The following KASH5 variants were observed in gnomAD, a reference collection of about 807,000 sequenced individuals.
KASH5 encodes protein KASH5.
KASH5 carries 72 observed loss-of-function variants against 84.2 expected under a neutral mutation model. That is an observed-to-expected ratio of 0.85 (90% CI 0.71 to 1.04). The LOEUF is 1.04. KASH5 is among the 50% of genes least tolerant of loss of function. The probability of loss-of-function intolerance (pLI) is 0.00; values close to 1 mark genes in which losing one functional copy is unlikely to be tolerated. For synonymous variants in KASH5, 260 were observed against 279.1 expected (o/e 0.93, Z 0.68); for missense variants, 650 against 701.0 (o/e 0.93, Z 0.82).
chr19:49,389,054 C>G (rs1173434458), intron 1 of KASH5, among the ~76,000 whole-genome samples: 1 of 150,896 alleles, frequency 6.6e-6, no homozygotes, highest in Non-Finnish European at 1.5e-5. Context: ...GCCAGAGACC[C>G]CCAGAAATCC....
chr19:49,409,602 C>T (rs1457172355), intron 14 of KASH5, 151 bp from the exon 15 acceptor site: 2 of 965,860 alleles, frequency 2.1e-6, no homozygotes, highest in Admixed American at 4.6e-5. Flanking sequence ...CCTGTTCCTG[C>T]TTCTGCCCAC....
chr19:49,405,887 C>T (rs979719872), intron 9 of KASH5, among the ~76,000 whole-genome samples: 1 of 145,600 alleles, frequency 6.9e-6, no homozygotes, highest in Non-Finnish European at 1.5e-5. Flanking sequence ...ACCCGGGAGG[C>T]AGAGGTTGCA....
At position 49,412,086 on chromosome 19, in the gene KASH5, G is replaced by A. The variant is rs778328454; in HGVS notation, c.1270-882G>A. ...CTAGGGGTGACTAGTGAGAGATGAGGCCAGGGCCAGATCATGAAAGGAAAT... is the reference window on the plus strand; with the variant it reads ...CTAGGGGTGACTAGTGAGAGATGAGACCAGGGCCAGATCATGAAAGGAAAT... On this transcript the variant is annotated intron_variant, in intron 15 of 19. Transcript: ENST00000447857. The surrounding 1 kb of genome is among the most constrained non-coding windows in gnomAD (Gnocchi z 4.6). Among the ~76,000 whole-genome samples the A allele has an allele frequency of 5.9e-5, 9 of 152,154 alleles. No individual in the cohort carries two copies. Among genetic ancestry groups the A allele is most frequent in the Non-Finnish European group, 7.3e-5 (5 of 68,034 alleles).
chr19:49,392,469 G>A (rs1030679190), intron 2 of KASH5, among the ~76,000 whole-genome samples: 1 of 152,176 alleles, frequency 6.6e-6, no homozygotes, highest in African/African-American at 2.4e-5. Context: ...GGAATCCTGG[G>A]ATGCGACTTC....
intron 5 of KASH5, 56 bp from the exon 6 acceptor site, chr19:49,397,595 A>G: frequency 6.5e-7 from 1 of 1,527,674 alleles, no homozygotes. Flanking sequence ...GCCCTGGGGC[A>G]CTTTACGTTT....
In KASH5 at chr19:49,416,880, C is replaced by T. The variant is rs1974921688; in HGVS notation, c.1375-135C>T. ...AAGCTGGCAGAAATGGGAACCCGACCTGGCAGCAGAAGTGCACTCACTTAT... is the reference window on the plus strand; with the variant it reads ...AAGCTGGCAGAAATGGGAACCCGACTTGGCAGCAGAAGTGCACTCACTTAT... On this transcript the variant is annotated intron_variant, in intron 17 of 19. Coordinates refer to ENST00000447857, the MANE Select transcript of KASH5 (RefSeq NM_144688.5). The surrounding 1 kb of genome is among the most constrained non-coding windows in gnomAD (Gnocchi z 5.4). The T allele has an allele frequency of 2.4e-6, 2 of 847,268 alleles. No homozygotes were observed. The highest frequency in any genetic ancestry group is 4.3e-5 in the Admixed American group (2 of 46,322). 52.5% of individuals were successfully genotyped at this position (847,268 alleles called of 1,614,324 possible). A position where few individuals can be genotyped will look rare whatever the true frequency, so the allele number is the denominator to read the frequency against.
In KASH5 at chr19:49,413,002, A is replaced by G. The variant is rs995947146; in HGVS notation, c.1304A>G (p.Glu435Gly). 6.2e-7 allele frequency: 1 copy of G among 1,613,070 alleles called. No individual in the cohort carries two copies. Residue 435 changes from glutamate (E) to glycine (G), a missense_variant, in exon 16 of 20, where the codon GAA becomes GGA. Glu to Gly is a moderately conservative substitution (Grantham distance 98). Transcript: ENST00000447857. ...NFQGEPAHPE[E>G]GRKEPSMWLT... ...CAGGGAGAGCCAGCGCACCCTGAAG[A>G]AGGAAGGAAGGAGCCATCCATGTGG...
Position 49,417,553 on chromosome 19 carries a change from TC to T in KASH5, c.*47del. On this transcript the variant is annotated 3_prime_UTR_variant, in exon 20 of 20. Coordinates refer to ENST00000447857, the MANE Select transcript of KASH5 (RefSeq NM_144688.5). The surrounding 1 kb of genome is among the most constrained non-coding windows in gnomAD (Gnocchi z 5.2). ...TCAGAGCAGTGTCTAGCTCAATAAATCCCCTGGCCCTCTCTCCACTGGGATC... is the reference window on the plus strand; with the variant it reads ...TCAGAGCAGTGTCTAGCTCAATAAATCCCTGGCCCTCTCTCCACTGGGATC... The T allele has an allele frequency of 6.8e-7, 1 of 1,474,110 alleles. No homozygotes were observed. The allele number at this position is 1,474,110 out of a possible 1,614,324, so 91.3% of individuals were successfully genotyped here.
At chr19:49,397,829 G>A (rs979373774) in intron 6 of KASH5, 112 bp downstream of exon 6, 3 of 1,465,040 alleles carry the variant, frequency 2.0e-6, no homozygotes, top group Non-Finnish European at 2.8e-6. Flanking sequence ...GAGGGACGGG[G>A]CTTTGCTGAA....
rs1974742595 is a variant in KASH5 at position 49,412,213 on chromosome 19, T to C, written c.1270-755T>C. Reference sequence around the variant, plus strand: ...TCCCTCTGGAACCATGTGAGGGACCTACTGGAGGCAGGGAGGAGGCTGGAG... The same window carrying C: ...TCCCTCTGGAACCATGTGAGGGACCCACTGGAGGCAGGGAGGAGGCTGGAG... On this transcript the variant is annotated intron_variant, in intron 15 of 19. Coordinates refer to ENST00000447857, the MANE Select transcript of KASH5 (RefSeq NM_144688.5). The surrounding 1 kb of genome is among the most constrained non-coding windows in gnomAD (Gnocchi z 4.6). Among the ~76,000 whole-genome samples the C allele has an allele frequency of 6.6e-6, 1 of 152,002 alleles. No homozygotes were observed. The highest frequency in any genetic ancestry group is 2.1e-4 in the South Asian group (1 of 4,820).
At position 49,412,906 on chromosome 19, in the gene KASH5, T is replaced by C; in HGVS notation, c.1270-62T>C. ...GACCGGCGGGGGAGACAGTGGGCAC[T>C]GTTAGGGTTGGAGCTTTGAGTGAGA... On this transcript the variant is annotated intron_variant, in intron 15 of 19. Transcript: ENST00000447857. The surrounding 1 kb of genome is among the most constrained non-coding windows in gnomAD (Gnocchi z 4.6). 1 of 1,562,180 alleles carries C rather than the reference T, an allele frequency of 6.4e-7. No homozygotes were observed. The highest frequency in any genetic ancestry group is 1.1e-5 in the South Asian group (1 of 88,550).
intron 1 of KASH5, among the ~76,000 whole-genome samples, chr19:49,389,032 C>A (rs929347903): frequency 1.3e-5 from 2 of 151,380 alleles, no homozygotes; most frequent in African/African-American, 2.4e-5. Context: ...AAATCAAGAC[C>A]CTCCAAATCC....
intron 12 of KASH5, among the ~76,000 whole-genome samples, chr19:49,408,505 G>C (rs1297657731): frequency 6.6e-6 from 1 of 151,490 alleles, no homozygotes; most frequent in East Asian, 1.9e-4. Flanking sequence ...CTGGAGTGCA[G>C]TGGTGCAATC....
rs947786390 is a variant in KASH5 at position 49,399,469 on chromosome 19, C to T, written c.760C>T (p.Gln254Ter). Residue 254 changes from glutamine to a stop codon, truncating the protein, a stop_gained, in exon 9 of 20, where the codon CAG becomes TAG. Coordinates refer to ENST00000447857, the MANE Select transcript of KASH5 (RefSeq NM_144688.5). LOFTEE classifies it high-confidence loss of function. The surrounding 1 kb of genome is among the most constrained non-coding windows in gnomAD (Gnocchi z 4.4). ...AQARQAEKEQ[Q>*]HLVAEMETLQ... Reference sequence around the variant, plus strand: ...TGGGGTTGGTCAGGAAAAGGAGCAGCAGCATCTGGTGGCTGAGATGGAGAC... The same window carrying T: ...TGGGGTTGGTCAGGAAAAGGAGCAGTAGCATCTGGTGGCTGAGATGGAGAC... The T allele has an allele frequency of 1.2e-6, 2 of 1,611,388 alleles. No homozygotes were observed. The highest frequency in any genetic ancestry group is 2.7e-5 in the African/African-American group (2 of 74,900).
intron 9 of KASH5, among the ~76,000 whole-genome samples, chr19:49,400,865 G>A (rs1165140359): frequency 1.3e-5 from 2 of 152,026 alleles, no homozygotes; most frequent in African/African-American, 2.4e-5. Flanking sequence ...TTCATTCTGG[G>A]CCCACCTAAT....
intron 2 of KASH5, among the ~76,000 whole-genome samples, chr19:49,391,412 G>C (rs1974000314): frequency 6.6e-6 from 1 of 152,112 alleles, no homozygotes; most frequent in Non-Finnish European, 1.5e-5. Context: ...TATAATATGA[G>C]CCACATAGGT....
intron 5 of KASH5, among the ~76,000 whole-genome samples, chr19:49,396,474 G>C (rs747169128): frequency 2.0e-5 from 3 of 151,990 alleles, no homozygotes; most frequent in East Asian, 3.9e-4. Context: ...GGCTGGTCTC[G>C]AACTCCCGAC....
In KASH5 at chr19:49,389,183, C is replaced by A. The variant is rs150084028; in HGVS notation, c.-96+856C>A. On this transcript the variant is annotated intron_variant, in intron 1 of 19. Transcript: ENST00000447857. ...CAGAGACCCCGAATAAATCAAGACCCCCAAAATCCAGTCAGAGAACCCCCA... is the reference window on the plus strand; with the variant it reads ...CAGAGACCCCGAATAAATCAAGACCACCAAAATCCAGTCAGAGAACCCCCA... Among the ~76,000 whole-genome samples the A allele has an allele frequency of 1.0e-3, 128 of 123,854 alleles. 1 individual carries two copies. The highest frequency in any genetic ancestry group is 5.4e-3 in the Middle Eastern group (1 of 184). The allele number at this position is 123,854 out of a possible 152,430, so 81.3% of individuals were successfully genotyped here.
chr19:49,395,722 T>C lies in KASH5; in HGVS notation c.336-47T>C. On this transcript the variant is annotated intron_variant, in intron 4 of 19. Coordinates refer to ENST00000447857, the MANE Select transcript of KASH5 (RefSeq NM_144688.5). The surrounding 1 kb of genome is among the most constrained non-coding windows in gnomAD (Gnocchi z 4.4). ...CCCCCTGCCTGTGGCTGGTGAGGAC[T>C]GAGGGGCAGCTACAGTGGGGCGCTA... is the stretch of plus-strand genomic sequence containing the variant. 1 of 1,537,868 alleles carries C rather than the reference T, an allele frequency of 6.5e-7. No homozygotes were observed. Among genetic ancestry groups the C allele is most frequent in the Non-Finnish European group, 8.8e-7 (1 of 1,136,576 alleles).
Sources: gnomAD v4.1 joint callset for allele counts (sites outside exome capture counted in the v4.1 genomes callset) on GRCh38, gnomAD v4.1.1 for gene constraint, Gnocchi (gnomAD v3.1) non-coding constraint, MANE v1.5 for transcripts, NCBI Gene and HGNC (gene_info 2026-07-23, HGNC 2026-07-21) for gene names.